The following COL5A2 variants were observed in gnomAD, a reference collection of about 807,000 sequenced individuals.
COL5A2 encodes collagen type V alpha 2 chain, also known as collagen alpha-2(V) chain.
Under a neutral mutation model 208.2 loss-of-function variants are expected in COL5A2, and 23 were observed. That is an observed-to-expected ratio of 0.11 (90% CI 0.08 to 0.16). The LOEUF is 0.16. COL5A2 is among the 10% of genes least tolerant of loss of function. COL5A2 has a pLI of 1.00. For synonymous variants in COL5A2, 625 were observed against 628.5 expected (o/e 0.99, Z 0.08); for missense variants, 1,590 against 1,956.4 (o/e 0.81, Z 3.53).
chr2:189,056,909 G>T, intron 35 of COL5A2, 64 bp downstream of exon 35: 1 of 1,495,516 alleles, frequency 6.7e-7, no homozygotes, highest in Non-Finnish European at 9.3e-7. Flanking sequence ...AAGGTTCAGG[G>T]AAACTCATAT....
chr2:189,104,329 G>C (rs1183292328), intron 2 of COL5A2, 52 bp from the exon 3 acceptor site: 1 of 1,192,446 alleles, frequency 8.4e-7, no homozygotes, highest in Non-Finnish European at 1.3e-6. Context: ...CAATTATTGA[G>C]AATCTGCTAA....
intron 37 of COL5A2, 137 bp downstream of exon 37, chr2:189,053,753 TAGAAA>T (rs1685840649): frequency 1.2e-5 from 10 of 851,504 alleles, no homozygotes; most frequent in Non-Finnish European, 1.9e-5. Context: ...TAAGTTTAAT[TAGAAA>T]AGCAAAAGCT....
Position 189,034,336 on chromosome 2 carries a change from A to G in COL5A2, c.4354-120T>C, listed in dbSNP as rs1043324449. 7.8e-6 allele frequency: 8 copies of G among 1,031,552 alleles called. No homozygotes were observed. In the African/African-American group the frequency reaches 9.5e-5, roughly 12 times the overall value. 63.9% of individuals were successfully genotyped at this position (1,031,552 alleles called of 1,614,324 possible). ...CAATGATTTTTAGAGTACTACTTAA[A>G]AAAAAGGAATGAAAACATAAAGTGA... is the stretch of plus-strand genomic sequence containing the variant. On this transcript the variant is annotated intron_variant, in intron 53 of 53. Coordinates refer to ENST00000374866, the MANE Select transcript of COL5A2 (RefSeq NM_000393.5).
chr2:189,304,468 C>T, the COL5A2 span, among the ~76,000 whole-genome samples: 3 of 152,120 alleles, frequency 2.0e-5, no homozygotes, highest in African/African-American at 7.2e-5. Flanking sequence ...GCATATTGCC[C>T]GCATTTGCTC....
the COL5A2 span, among the ~76,000 whole-genome samples, chr2:189,242,298 C>A: frequency 2.0e-5 from 3 of 152,160 alleles, no homozygotes; most frequent in Non-Finnish European, 4.4e-5. Context: ...GTGTTTTACA[C>A]ACATGGCCGT....
chr2:189,294,145 T>C, the COL5A2 span, among the ~76,000 whole-genome samples: 1 of 151,006 alleles, frequency 6.6e-6, no homozygotes, highest in South Asian at 2.1e-4. Context: ...TAAAGCAGCC[T>C]GAACGGGCTG....
chr2:189,223,072 G>T (rs1369383867), intron 1 of COL5A2, among the ~76,000 whole-genome samples: 2 of 152,032 alleles, frequency 1.3e-5, no homozygotes, highest in African/African-American at 4.8e-5. Flanking sequence ...TTTTGTCTAA[G>T]TCAGTCCAGC....
chr2:189,252,764 T>A, the COL5A2 span, among the ~76,000 whole-genome samples: 3 of 123,318 alleles, frequency 2.4e-5, no homozygotes, highest in Middle Eastern at 4.3e-3. Flanking sequence ...TAATAAAAAA[T>A]AAATAAAATT....
At chr2:189,166,863 A>C (rs1429967977) in intron 1 of COL5A2, among the ~76,000 whole-genome samples, 1 of 152,224 alleles carries the variant, frequency 6.6e-6, no homozygotes, top group African/African-American at 2.4e-5. Flanking sequence ...GACGCTAACT[A>C]TAGGGCATCT....
chr2:189,192,746 G>A (rs1688946897), intron 1 of COL5A2, among the ~76,000 whole-genome samples: 1 of 152,144 alleles, frequency 6.6e-6, no homozygotes, highest in African/African-American at 2.4e-5. Context: ...CGGTTTGAAT[G>A]TCTCCTCCAA....
chr2:189,167,179 GT>G (rs1688481847), intron 1 of COL5A2, among the ~76,000 whole-genome samples: 2 of 152,290 alleles, frequency 1.3e-5, no homozygotes, highest in South Asian at 4.1e-4. Flanking sequence ...TTTAGCAAAT[GT>G]TGCACCCAAG....
At chr2:189,350,816 C>T in the COL5A2 span, among the ~76,000 whole-genome samples, 1 of 152,164 alleles carries the variant, frequency 6.6e-6, no homozygotes, top group African/African-American at 2.4e-5. Flanking sequence ...AGTCAACCTC[C>T]TGGTTATTAC....
chr2:189,327,109 A>G, the COL5A2 span, among the ~76,000 whole-genome samples: 1 of 151,466 alleles, frequency 6.6e-6, no homozygotes, highest in Non-Finnish European at 1.5e-5. Context: ...ATAAAAAATA[A>G]TGAAAAAATA....
At chr2:189,311,487 C>T in the COL5A2 span, 66 of 1,053,046 alleles carry the variant, frequency 6.3e-5, no homozygotes, top group Middle Eastern at 1.7e-3. Flanking sequence ...TGGTGCTGTC[C>T]CTCTGCCCGA....
chr2:189,048,755 A>G (rs1363555372), intron 44 of COL5A2, among the ~76,000 whole-genome samples: 1 of 152,202 alleles, frequency 6.6e-6, no homozygotes, highest in African/African-American at 2.4e-5. Flanking sequence ...AAGGCTATTG[A>G]TTCTTTCTTT....
the COL5A2 span, among the ~76,000 whole-genome samples, chr2:189,230,357 A>C: frequency 1.3e-5 from 2 of 151,920 alleles, no homozygotes; most frequent in Non-Finnish European, 2.9e-5. Flanking sequence ...ACTTCTGCCC[A>C]GCAAAGGAAA....
Position 189,203,895 on chromosome 2 carries a change from G to C in COL5A2, c.-42+21253C>G, listed in dbSNP as rs146914905. Among the ~76,000 whole-genome samples the C allele has an allele frequency of 6.0e-3, 908 of 151,146 alleles. 14 individuals are homozygous for C. The highest frequency in any genetic ancestry group is 0.019 in the African/African-American group (805 of 41,308). On this transcript the variant is annotated intron_variant, in intron 1 of 10. Coordinates refer to the COL5A2 transcript ENST00000649966. ...CTAAGAATGAACCATTTTCTTTTTT[G>C]TCTTTTTTTTTTTTTCTTTTGAGAC... is the stretch of plus-strand genomic sequence containing the variant.
the COL5A2 span, among the ~76,000 whole-genome samples, chr2:189,337,248 T>G: frequency 6.7e-6 from 1 of 149,944 alleles, no homozygotes; most frequent in Admixed American, 6.6e-5. Flanking sequence ...AGTGGCGGGA[T>G]CTCGGCTCAC....
At chr2:189,132,187 GATACGTA>G (rs1237143476) in intron 1 of COL5A2, among the ~76,000 whole-genome samples, 1 of 152,202 alleles carries the variant, frequency 6.6e-6, no homozygotes, top group Non-Finnish European at 1.5e-5. Flanking sequence ...CTATTTTTAT[GATACGTA>G]ATCATGGTCT....
Sources: allele counts gnomAD v4.1 joint callset (sites outside exome capture counted in the v4.1 genomes callset), GRCh38; gene constraint gnomAD v4.1.1; transcripts MANE v1.5; gene names NCBI Gene and HGNC (gene_info 2026-07-23, HGNC 2026-07-21).